FTO: variants seen among roughly 807,000 people sequenced by gnomAD.
FTO encodes alpha-ketoglutarate-dependent dioxygenase FTO.
FTO carries 47 observed loss-of-function variants against 63.9 expected under a neutral mutation model. That is an observed-to-expected ratio of 0.74 (90% CI 0.58 to 0.94). The LOEUF (loss-of-function observed/expected upper bound fraction) is 0.94. Among genes scored for constraint, FTO ranks in the 40% least tolerant of loss-of-function variants. FTO has a pLI of 0.00. For missense variants in FTO, 562 were observed against 618.1 expected (o/e 0.91, Z 0.96); for synonymous variants, 207 against 224.4 (o/e 0.92, Z 0.69).
chr16:53,916,621 G>C (rs940675258), intron 7 of FTO, among the ~76,000 whole-genome samples: 1 of 152,166 alleles, frequency 6.6e-6, no homozygotes, highest in Non-Finnish European at 1.5e-5. Context: ...TAGATGGAAT[G>C]ATGGCCTCTT....
chr16:53,902,737 C>G (rs1039691437), intron 7 of FTO, among the ~76,000 whole-genome samples: 1 of 152,166 alleles, frequency 6.6e-6, no homozygotes, highest in Non-Finnish European at 1.5e-5. Context: ...TGACCTGAGC[C>G]AGATCTTTCA....
intron 8 of FTO, among the ~76,000 whole-genome samples, chr16:54,086,891 C>T (rs79074626): frequency 6.6e-6 from 1 of 152,152 alleles, no homozygotes; most frequent in Non-Finnish European, 1.5e-5. Context: ...TTCCCAAGAC[C>T]CTCCACGTCC....
At chr16:54,004,235 T>G (rs1374766488) in intron 8 of FTO, among the ~76,000 whole-genome samples, 1 of 152,074 alleles carries the variant, frequency 6.6e-6, no homozygotes, top group Non-Finnish European at 1.5e-5. Context: ...TATTATGAAT[T>G]TAGCAAGCAA....
chr16:53,939,190 T>C (rs2082464713), intron 8 of FTO, among the ~76,000 whole-genome samples: 3 of 152,188 alleles, frequency 2.0e-5, no homozygotes. Context: ...ACAGAAGGCT[T>C]CTAAACATTA....
chr16:53,804,034 G>T (rs895709690), intron 1 of FTO, among the ~76,000 whole-genome samples: 1 of 152,116 alleles, frequency 6.6e-6, no homozygotes, highest in Non-Finnish European at 1.5e-5. Flanking sequence ...TAACAACAAC[G>T]AATGGTTGCC....
Position 53,968,879 on chromosome 16 carries a change from G to C in FTO, c.1364+34770G>C, listed in dbSNP as rs369888616. 1.4e-4 allele frequency among the ~76,000 whole-genome samples: 21 copies of C among 152,326 alleles called. No homozygotes were observed. In the East Asian group the frequency reaches 2.7e-3, roughly 20 times the overall value. On this transcript the variant is annotated intron_variant, in intron 8 of 8. Coordinates refer to ENST00000471389, the MANE Select transcript of FTO (RefSeq NM_001080432.3). ...TGCTTTGTTGTTATGTGATCATGAA[G>C]CCCAAACTGTTAGTCAGTACAGCAC... is the stretch of plus-strand genomic sequence containing the variant.
intron 4 of FTO, among the ~76,000 whole-genome samples, chr16:53,855,035 A>T (rs61512080): frequency 0.3 from 45,610 of 150,026 alleles, 8,090 homozygotes; most frequent in East Asian, 0.62. Context: ...CTTTATTATT[A>T]TTATTTTTTT....
intron 8 of FTO, among the ~76,000 whole-genome samples, chr16:54,066,946 A>G (rs2085746278): frequency 1.3e-5 from 2 of 152,258 alleles, no homozygotes; most frequent in South Asian, 4.1e-4. Flanking sequence ...ATGCACAGTT[A>G]AATGGAAATA....
chr16:54,083,786 G>A (rs1019169478), intron 8 of FTO, among the ~76,000 whole-genome samples: 13 of 152,110 alleles, frequency 8.5e-5, no homozygotes, highest in Admixed American at 2.0e-4. Flanking sequence ...GAAAGTTTGC[G>A]GGGGCTGGCA....
intron 8 of FTO, among the ~76,000 whole-genome samples, chr16:53,968,889 T>C (rs987246753): frequency 7.2e-5 from 11 of 152,326 alleles, no homozygotes; most frequent in Admixed American, 6.5e-4. Context: ...GCCCAAACTG[T>C]TAGTCAGTAC....
intron 7 of FTO, among the ~76,000 whole-genome samples, chr16:53,894,167 G>C (rs12149433): frequency 0.88 from 133,329 of 152,164 alleles, 58,703 homozygotes; most frequent in Middle Eastern, 0.94. Flanking sequence ...TAAAGGTTGT[G>C]CCTGACAAGT....
intron 1 of FTO, among the ~76,000 whole-genome samples, chr16:53,751,814 A>G (rs189890034): frequency 6.6e-6 from 1 of 152,356 alleles, no homozygotes; most frequent in East Asian, 1.9e-4. Flanking sequence ...TACATCTCAA[A>G]GATACTAACA....
In FTO at chr16:54,111,805, C is replaced by G; in HGVS notation, c.1408C>G (p.Pro470Ala). 6.2e-7 allele frequency: 1 copy of G among 1,614,116 alleles called. No individual in the cohort carries two copies. Among genetic ancestry groups the G allele is most frequent in the South Asian group, 1.1e-5 (1 of 91,072 alleles). Reference protein sequence around the residue: ...IARTLPADQKPECRPYWEKDD... With the variant: ...IARTLPADQKAECRPYWEKDD... The stretch of plus-strand genomic sequence containing the variant: ...CCGAACATTACCTGCTGATCAGAAG[C>G]CAGAATGTCGGCCATACTGGGAAAA... The change falls in exon 9 of 9, where the codon CCA (proline) becomes GCA (alanine). Residue 470 changes from proline (P) to alanine (A), a missense_variant. Coordinates refer to ENST00000471389, the MANE Select transcript of FTO (RefSeq NM_001080432.3).
intron 1 of FTO, among the ~76,000 whole-genome samples, chr16:53,729,210 C>T (rs908323782): frequency 6.6e-6 from 1 of 152,040 alleles, no homozygotes; most frequent in African/African-American, 2.4e-5. Context: ...TTCCATTCCA[C>T]CCACTTCTAC....
intron 6 of FTO, among the ~76,000 whole-genome samples, chr16:53,888,526 C>T (rs2081068183): frequency 7.3e-6 from 1 of 136,480 alleles, no homozygotes; most frequent in African/African-American, 2.6e-5. Context: ...TGCAATGTTG[C>T]CCAGGCTGGG....
At chr16:53,768,210 ACCTGACAT>A (rs1411665765) in intron 1 of FTO, among the ~76,000 whole-genome samples, 1 of 152,214 alleles carries the variant, frequency 6.6e-6, no homozygotes, top group Non-Finnish European at 1.5e-5. Context: ...TGGTCTAGGT[ACCTGACAT>A]CCTTTGATCC....
chr16:53,938,925 T>G (rs1434019074), intron 8 of FTO, among the ~76,000 whole-genome samples: 1 of 141,048 alleles, frequency 7.1e-6, no homozygotes, highest in Non-Finnish European at 1.5e-5. Context: ...CTGTCTCTAC[T>G]AAAAATACAA....
intron 1 of FTO, among the ~76,000 whole-genome samples, chr16:53,733,601 G>A (rs2076321712): frequency 6.6e-6 from 1 of 152,152 alleles, no homozygotes; most frequent in Admixed American, 6.6e-5. Flanking sequence ...CTGGGAAAAA[G>A]TTGTAGTTAT....
At chr16:53,790,579 CAAAAA>C (rs34860208) in intron 1 of FTO, among the ~76,000 whole-genome samples, 3 of 55,224 alleles carry the variant, frequency 5.4e-5, no homozygotes, top group South Asian at 9.2e-4. Flanking sequence ...CAAAATAAAG[CAAAAA>C]AAAAAAAAAA....
Sources: gnomAD v4.1 joint callset for allele counts (sites outside exome capture counted in the v4.1 genomes callset) on GRCh38, gnomAD v4.1.1 for gene constraint, MANE v1.5 for transcripts, NCBI Gene and HGNC (gene_info 2026-07-23, HGNC 2026-07-21) for gene names.